BRINP3: variants seen among roughly 807,000 people sequenced by gnomAD.
BRINP3 encodes BMP/retinoic acid inducible neural specific 3.
Under a neutral mutation model 71.0 loss-of-function variants are expected in BRINP3, and 19 were observed. That is an observed-to-expected ratio of 0.27 (90% CI 0.19 to 0.39). BRINP3 has a LOEUF of 0.39. Among genes scored for constraint, BRINP3 ranks in the 10% least tolerant of loss-of-function variants. The pLI, the probability that BRINP3 is intolerant of heterozygous loss-of-function variation, is 1.00. For missense variants in BRINP3, 959 were observed against 940.8 expected (o/e 1.02, Z -0.25); for synonymous variants, 380 against 337.7 (o/e 1.13, Z -1.37).
intron 2 of BRINP3, among the ~76,000 whole-genome samples, chr1:190,298,739 G>A (rs116415094): frequency 0.015 from 2,275 of 152,074 alleles, 71 homozygotes; most frequent in African/African-American, 0.051. Context: ...CTCTTAATAT[G>A]CTCTATTTCA....
intron 2 of BRINP3, among the ~76,000 whole-genome samples, chr1:190,411,915 A>G (rs1158084569): frequency 6.6e-6 from 1 of 152,178 alleles, no homozygotes; most frequent in Non-Finnish European, 1.5e-5. Flanking sequence ...AACAGATATG[A>G]GGAGTGGAGC....
At position 190,098,074 on chromosome 1, in the gene BRINP3, AC is replaced by A. The variant is rs1651355019; in HGVS notation, c.2244del (p.Phe749LeufsTer60). ...EVVRIQSALQ[A>X]FNAKLPNTMD... ...ATTGTGTTTGGCAATTTGGCATTAA[AC>A]GCCTGCAGAGCAGATTGGATCCTCA... On this transcript the variant is annotated frameshift_variant, in exon 8 of 8. Coordinates refer to ENST00000367462, the MANE Select transcript of BRINP3 (RefSeq NM_199051.3). LOFTEE classifies it high-confidence loss of function. 1 of 1,613,758 alleles carries A rather than the reference AC, an allele frequency of 6.2e-7. No homozygotes were observed. The highest frequency in any genetic ancestry group is 1.3e-5 in the African/African-American group (1 of 74,900).
chr1:190,141,150 T>C (rs906941159), intron 7 of BRINP3, among the ~76,000 whole-genome samples: 1 of 152,178 alleles, frequency 6.6e-6, no homozygotes, highest in East Asian at 1.9e-4. Flanking sequence ...TTGAATGTTA[T>C]ACTCTTGCAG....
chr1:190,409,742 A>G (rs899899849), intron 2 of BRINP3, among the ~76,000 whole-genome samples: 1 of 152,210 alleles, frequency 6.6e-6, no homozygotes, highest in Non-Finnish European at 1.5e-5. Flanking sequence ...GAAGGAGCAG[A>G]CCATAAGAAG....
intron 2 of BRINP3, among the ~76,000 whole-genome samples, chr1:190,387,551 A>G (rs1286312743): frequency 6.6e-6 from 1 of 151,914 alleles, no homozygotes; most frequent in African/African-American, 2.4e-5. Context: ...AGGTGAGGAC[A>G]GGTCTGTAGT....
chr1:190,428,695 T>TTGTG (rs1673889105), intron 2 of BRINP3, among the ~76,000 whole-genome samples: 1 of 152,094 alleles, frequency 6.6e-6, no homozygotes, highest in Non-Finnish European at 1.5e-5. Flanking sequence ...ATCATAAACA[T>TTGTG]TTGAGATGAT....
At chr1:190,263,575 T>C (rs190274189) in intron 4 of BRINP3, among the ~76,000 whole-genome samples, 1 of 150,194 alleles carries the variant, frequency 6.7e-6, no homozygotes, top group African/African-American at 2.4e-5. Flanking sequence ...AAGTTGAAAG[T>C]TGAAGTAGTA....
intron 2 of BRINP3, among the ~76,000 whole-genome samples, chr1:190,303,955 G>A (rs1382268499): frequency 4.6e-5 from 7 of 151,554 alleles, no homozygotes; most frequent in Admixed American, 1.3e-4. Flanking sequence ...CCATTAGGTA[G>A]TACTTCAAAT....
chr1:190,397,101 T>A (rs1671629203), intron 2 of BRINP3, among the ~76,000 whole-genome samples: 1 of 151,926 alleles, frequency 6.6e-6, no homozygotes, highest in Non-Finnish European at 1.5e-5. Flanking sequence ...ACCTCTGGAC[T>A]CAAAATTTAG....
intron 2 of BRINP3, among the ~76,000 whole-genome samples, chr1:190,287,068 G>GAA (rs141757758): frequency 1.5e-4 from 22 of 145,614 alleles, no homozygotes; most frequent in South Asian, 1.1e-3. Context: ...AAAAAAAAAA[G>GAA]AAAAAAAAAA....
chr1:190,245,673 T>C (rs1450160058), intron 4 of BRINP3, among the ~76,000 whole-genome samples: 1 of 152,080 alleles, frequency 6.6e-6, no homozygotes, highest in Non-Finnish European at 1.5e-5. Context: ...TACATACGTA[T>C]ACATGTGCCA....
intron 1 of BRINP3, chr1:190,475,817 G>C (rs1677460543): frequency 6.6e-6 from 1 of 152,008 alleles, no homozygotes; most frequent in Non-Finnish European, 1.5e-5. Context: ...GGATCTGACT[G>C]TACTGAAAGT....
intron 2 of BRINP3, among the ~76,000 whole-genome samples, chr1:190,288,520 T>A (rs371534839): frequency 1.3e-5 from 2 of 152,062 alleles, no homozygotes; most frequent in South Asian, 4.1e-4. Context: ...TCACAAAATG[T>A]AAAGCTTTCA....
rs1403691049 is a variant in BRINP3, at chr1:190,265,038, T to C, written c.445A>G (p.Ile149Val). ...ATLGGEESLT[I>V]FVDKRKLSKR... is the part of the protein sequence containing the mutation. ...CTCAACTTCCGCTTGTCCACAAAAA[T>C]TGTGAGTGACTCCTCTCCTGCATTA... The change falls in exon 4 of 8, where the codon ATT becomes GTT. Residue 149 changes from isoleucine (I) to valine (V), a missense_variant. Physicochemically the swap from Ile to Val is conservative, Grantham distance 29. Coordinates refer to ENST00000367462, the MANE Select transcript of BRINP3 (RefSeq NM_199051.3). 1.3e-5 allele frequency: 21 copies of C among 1,607,078 alleles called. No homozygotes were observed. Among genetic ancestry groups the C allele is most frequent in the Non-Finnish European group, 1.7e-5 (20 of 1,177,760 alleles).
chr1:190,336,954 T>C (rs966086508), intron 2 of BRINP3, among the ~76,000 whole-genome samples: 1 of 150,634 alleles, frequency 6.6e-6, no homozygotes, highest in African/African-American at 2.4e-5. Flanking sequence ...GAATATTTGG[T>C]GAAATAACTA....
rs935726068 is a variant in BRINP3 at position 190,356,873 on chromosome 1, A to G, written c.237-75123T>C. Among the ~76,000 whole-genome samples the G allele has an allele frequency of 6.6e-5, 10 of 152,026 alleles. 1 individual carries two copies. Among genetic ancestry groups the G allele is most frequent in the African/African-American group, 2.4e-4 (10 of 41,420 alleles). On this transcript the variant is annotated intron_variant, in intron 2 of 7. Coordinates refer to ENST00000367462, the MANE Select transcript of BRINP3 (RefSeq NM_199051.3). ...TCTCATTCATTTAACTGTTCATTTAATAAATATGTGGTTGACTTCAGTAAT... is the reference window on the plus strand; with the variant it reads ...TCTCATTCATTTAACTGTTCATTTAGTAAATATGTGGTTGACTTCAGTAAT...
chr1:190,353,106 C>G (rs1010988846), intron 2 of BRINP3, among the ~76,000 whole-genome samples: 1 of 151,476 alleles, frequency 6.6e-6, no homozygotes, highest in Non-Finnish European at 1.5e-5. Context: ...TATGCAGGCT[C>G]TCACCAGAGA....
chr1:190,213,622 C>T (rs761551541), intron 6 of BRINP3, among the ~76,000 whole-genome samples: 1 of 151,922 alleles, frequency 6.6e-6, no homozygotes, highest in African/African-American at 2.4e-5. Context: ...GGCTTTCATG[C>T]CCCTTGCCAT....
chr1:190,285,926 T>C (rs1379401239), intron 2 of BRINP3, among the ~76,000 whole-genome samples: 2 of 152,146 alleles, frequency 1.3e-5, no homozygotes, highest in South Asian at 2.1e-4. Flanking sequence ...AATAAGAACA[T>C]TGTTGTATCT....
Sources: gnomAD v4.1 joint callset for allele counts (sites outside exome capture counted in the v4.1 genomes callset) on GRCh38, gnomAD v4.1.1 for gene constraint, MANE v1.5 for transcripts, NCBI Gene and HGNC (gene_info 2026-07-23, HGNC 2026-07-21) for gene names.